Variants in EZH2 observed in about 807,000 individuals in gnomAD.
EZH2 encodes histone-lysine N-methyltransferase EZH2.
A neutral mutation model predicts 98.4 loss-of-function variants in EZH2; 18 were observed. That is an observed-to-expected ratio of 0.18 (90% confidence interval 0.13 to 0.27). The LOEUF is 0.27. Ranked by LOEUF, EZH2 falls within the 10% of genes least tolerant of loss-of-function variation. EZH2 has a pLI of 1.00. For synonymous variants in EZH2, 338 were observed against 312.3 expected, an observed-to-expected ratio of 1.08 and a Z score of -0.87; for missense variants, 470 against 935.1, an observed-to-expected ratio of 0.50 and a Z score of 6.49.
chr7:148,834,196 C>T (rs571276021), intron 3 of EZH2, among the ~76,000 whole-genome samples: 4 of 152,172 alleles, frequency 2.6e-5, no homozygotes, highest in African/African-American at 7.2e-5. Context: ...GTCTACGAAT[C>T]CGAGATTCCT....
chr7:148,845,359 C>T (rs1813722828), intron 3 of EZH2, among the ~76,000 whole-genome samples: 1 of 152,162 alleles, frequency 6.6e-6, no homozygotes, highest in African/African-American at 2.4e-5. Flanking sequence ...CTGGCCTGTA[C>T]CAGATGAGGA....
intron 15 of EZH2, among the ~76,000 whole-genome samples, chr7:148,812,678 G>A (rs1208229040): frequency 6.6e-6 from 1 of 152,188 alleles, no homozygotes; most frequent in Non-Finnish European, 1.5e-5. Flanking sequence ...AACAAAGTGA[G>A]GAAGGAGTAC....
intron 6 of EZH2, among the ~76,000 whole-genome samples, chr7:148,827,743 C>T (rs1195421219): frequency 6.6e-6 from 1 of 152,188 alleles, no homozygotes; most frequent in Non-Finnish European, 1.5e-5. Flanking sequence ...TAGAGAACAC[C>T]AACTATTGAC....
chr7:148,882,620 A>G (rs1286168252), intron 1 of EZH2, among the ~76,000 whole-genome samples: 1 of 152,232 alleles, frequency 6.6e-6, no homozygotes, highest in Admixed American at 6.5e-5. Context: ...GCTTATGAAG[A>G]GTAATAGAAA....
At chr7:148,875,927 G>A (rs1453560563) in intron 1 of EZH2, 1 of 152,212 alleles carries the variant, frequency 6.6e-6, no homozygotes. Context: ...GGGAGGCCAA[G>A]GCAGAATCAT....
intron 1 of EZH2, among the ~76,000 whole-genome samples, chr7:148,854,606 A>G (rs187817655): frequency 6.6e-6 from 1 of 152,360 alleles, no homozygotes; most frequent in Non-Finnish European, 1.5e-5. Context: ...TTTGACTCTT[A>G]ACTGAATACC....
chr7:148,867,326 T>C (rs966222306), intron 1 of EZH2, among the ~76,000 whole-genome samples: 1 of 151,924 alleles, frequency 6.6e-6, no homozygotes, highest in Non-Finnish European at 1.5e-5. Context: ...AACTCCCATC[T>C]CAAAAATAAA....
chr7:148,881,885 G>C (rs547094612), intron 1 of EZH2, among the ~76,000 whole-genome samples: 15 of 149,884 alleles, frequency 1.0e-4, no homozygotes, highest in Admixed American at 6.0e-4. Flanking sequence ...AGTGAGCCCA[G>C]ATCCAGCCAC....
At chr7:148,837,518 T>C (rs544837690) in intron 3 of EZH2, among the ~76,000 whole-genome samples, 1 of 152,334 alleles carries the variant, frequency 6.6e-6, no homozygotes, top group Non-Finnish European at 1.5e-5. Context: ...TAGCTAGCCC[T>C]TCTGGTGAAA....
Position 148,865,707 on chromosome 7 carries a change from C to T in EZH2, c.-7-18402G>A, listed in dbSNP as rs997168851. Among the ~76,000 whole-genome samples the T allele has an allele frequency of 4.6e-5, 7 of 152,170 alleles. No homozygotes were observed. In the East Asian group the frequency reaches 1.2e-3, roughly 25 times the overall value. Reference sequence around the variant, plus strand: ...CTGCATGGGTAACTTTGCCTACATGCTATTTTGCCTTGTACACTAACTTTA... The same window carrying T: ...CTGCATGGGTAACTTTGCCTACATGTTATTTTGCCTTGTACACTAACTTTA... On this transcript the variant is annotated intron_variant, in intron 1 of 19. Transcript: ENST00000320356.
At chr7:148,883,710 C>T (rs1821371380) in intron 1 of EZH2, among the ~76,000 whole-genome samples, 1 of 151,694 alleles carries the variant, frequency 6.6e-6, no homozygotes, top group Admixed American at 6.6e-5. Flanking sequence ...TGTCTGAGTG[C>T]GGACTCGGCG....
chr7:148,874,817 A>G (rs1030278315), intron 1 of EZH2, among the ~76,000 whole-genome samples: 1 of 151,936 alleles, frequency 6.6e-6, no homozygotes, highest in East Asian at 1.9e-4. Context: ...GAACAGCGTG[A>G]ACCCAGGAGG....
intron 1 of EZH2, among the ~76,000 whole-genome samples, chr7:148,859,627 G>A (rs868462307): frequency 1.1e-4 from 17 of 152,262 alleles, no homozygotes; most frequent in African/African-American, 4.1e-4. Flanking sequence ...GGCAAACAAA[G>A]GAATGTGAGC....
intron 1 of EZH2, among the ~76,000 whole-genome samples, chr7:148,869,337 C>A (rs1465563042): frequency 7.9e-6 from 1 of 127,026 alleles, no homozygotes; most frequent in Non-Finnish European, 1.6e-5. Context: ...GCAGCAATAG[C>A]CTTTTTTTTT....
intron 1 of EZH2, among the ~76,000 whole-genome samples, chr7:148,881,254 T>C (rs188958975): frequency 6.6e-6 from 1 of 152,360 alleles, no homozygotes; most frequent in East Asian, 1.9e-4. Context: ...TCACTGCTCA[T>C]GTAAAGGGTA....
At chr7:148,843,006 G>A (rs574026378) in intron 3 of EZH2, among the ~76,000 whole-genome samples, 295 of 152,020 alleles carry the variant, frequency 1.9e-3, no homozygotes, top group African/African-American at 6.8e-3. Flanking sequence ...TCAGGAGTTC[G>A]AGACCAGCCT....
At chr7:148,881,962 A>G (rs928942716) in intron 1 of EZH2, among the ~76,000 whole-genome samples, 3 of 64,776 alleles carry the variant, frequency 4.6e-5, no homozygotes, top group African/African-American at 8.6e-5. Flanking sequence ...ACACACACAC[A>G]CACGCGCGCG....
chr7:148,851,530 G>T (rs1815774486), intron 1 of EZH2, among the ~76,000 whole-genome samples: 2 of 152,120 alleles, frequency 1.3e-5, no homozygotes, highest in South Asian at 4.1e-4. Flanking sequence ...TCCATTTTCA[G>T]TGATCTTTTC....
At chr7:148,873,318 C>A (rs1585299638) in intron 1 of EZH2, among the ~76,000 whole-genome samples, 1 of 151,698 alleles carries the variant, frequency 6.6e-6, no homozygotes, top group Non-Finnish European at 1.5e-5. Context: ...ATAGTGAAAC[C>A]CCATCTCTAC....
Sources: allele counts gnomAD v4.1 joint callset (sites outside exome capture counted in the v4.1 genomes callset), GRCh38; gene constraint gnomAD v4.1.1; transcripts MANE v1.5; gene names NCBI Gene and HGNC (gene_info 2026-07-23, HGNC 2026-07-21).